WDR35: variants seen among roughly 807,000 people sequenced by gnomAD.
The protein encoded by WDR35 is WD repeat domain 35.
In WDR35, 118 loss-of-function variants were observed where a neutral mutation model predicts 158.3. That is an observed-to-expected ratio of 0.75 (90% CI 0.64 to 0.87). The LOEUF (loss-of-function observed/expected upper bound fraction) is 0.87. Among genes scored for constraint, WDR35 ranks in the 40% least tolerant of loss-of-function variants. The probability of loss-of-function intolerance (pLI) is 0.00; values close to 1 mark genes in which losing one functional copy is unlikely to be tolerated. For missense variants in WDR35, 1,263 were observed against 1,405.8 expected, an observed-to-expected ratio of 0.90 and a Z score of 1.62; for synonymous variants, 448 against 476.1, an observed-to-expected ratio of 0.94 and a Z score of 0.77.
At chr2:19,965,033 C>T (rs1671803537) in intron 10 of WDR35, among the ~76,000 whole-genome samples, 1 of 152,118 alleles carries the variant, frequency 6.6e-6, no homozygotes, top group African/African-American at 2.4e-5. Flanking sequence ...AAGCGACTGT[C>T]CTGCCTCAGC....
rs1430525200 is a variant in WDR35, at chr2:19,911,554, G to C, written c.*2004C>G. ...CTTCTTTGTTAGGATGTGATTTTCT[G>C]ATTTGGGGAAATTTCCCATTCTGGT... On this transcript the variant is annotated 3_prime_UTR_variant, in exon 27 of 27. Coordinates refer to ENST00000281405, the MANE Select transcript of WDR35 (RefSeq NM_020779.4). The C allele has an allele frequency of 6.6e-6, 1 of 152,216 alleles. No homozygotes were observed. Among genetic ancestry groups the C allele is most frequent in the Non-Finnish European group, 1.5e-5 (1 of 68,028 alleles). The allele number at this position is 152,216 out of a possible 1,614,324, so 9.4% of individuals were successfully genotyped here. A position where few individuals can be genotyped will look rare whatever the true frequency, so the allele number is the denominator to read the frequency against.
chr2:19,926,747 A>C (rs1477350831), intron 25 of WDR35, among the ~76,000 whole-genome samples: 1 of 152,266 alleles, frequency 6.6e-6, no homozygotes, highest in Non-Finnish European at 1.5e-5. Flanking sequence ...ATCTGATAAC[A>C]AAAAGTTGGG....
chr2:19,972,816 T>A (rs978696101), intron 8 of WDR35, among the ~76,000 whole-genome samples: 1 of 152,000 alleles, frequency 6.6e-6, no homozygotes, highest in South Asian at 2.1e-4. Flanking sequence ...GCCAACAGGG[T>A]ATTCAAAAGG....
chr2:19,970,563 T>C (rs902226479), intron 8 of WDR35, among the ~76,000 whole-genome samples: 3 of 152,176 alleles, frequency 2.0e-5, no homozygotes, highest in Non-Finnish European at 2.9e-5. Context: ...TTTTAAAAGG[T>C]TTAATAACTT....
intron 10 of WDR35, among the ~76,000 whole-genome samples, chr2:19,964,542 C>T (rs996722248): frequency 2.0e-5 from 3 of 151,732 alleles, no homozygotes; most frequent in Non-Finnish European, 2.9e-5. Flanking sequence ...CGCTGCCACG[C>T]CCGGCTAATT....
chr2:19,953,983 T>C lies in WDR35; in HGVS notation c.1256-5A>G, dbSNP rs746315775. 4 of 1,614,028 alleles carry C rather than the reference T, an allele frequency of 2.5e-6. No homozygotes were observed. The South Asian group carries it at 3.3e-5, about 13-fold the overall frequency. ...TCATTGCAACAAACAATGGTACTGTTAAAAATAACATTAAGATAATTTACA... is the reference window on the plus strand; with the variant it reads ...TCATTGCAACAAACAATGGTACTGTCAAAAATAACATTAAGATAATTTACA... On this transcript the variant is annotated splice_region_variant and splice_polypyrimidine_tract_variant and intron_variant, in intron 11 of 26. Transcript: ENST00000281405.
rs371556639 is a variant in WDR35 at position 19,946,015 on chromosome 2, G to A, written c.1635-19C>T. Reference sequence around the variant, plus strand: ...AAGACGGCTAAAAACAATGCAATTAGAGAAAAGGAAAAAACTATAAAATTA... The same window carrying A: ...AAGACGGCTAAAAACAATGCAATTAAAGAAAAGGAAAAAACTATAAAATTA... On this transcript the variant is annotated intron_variant, in intron 15 of 26. Transcript: ENST00000281405. The A allele has an allele frequency of 9.9e-6, 16 of 1,610,430 alleles. No homozygotes were observed. In the African/African-American group the frequency reaches 2.1e-4, roughly 22 times the overall value.
intron 6 of WDR35, 89 bp downstream of exon 6, chr2:19,975,441 T>C (rs1672173284): frequency 1.5e-6 from 2 of 1,363,596 alleles, no homozygotes; most frequent in East Asian, 2.6e-5. Flanking sequence ...CAAACCGCCA[T>C]AAAAAATAAA....
chr2:19,966,719 C>G lies in WDR35; in HGVS notation c.1194+5G>C, dbSNP rs747804359. On this transcript the variant is annotated splice_donor_5th_base_variant and intron_variant, in intron 10 of 26. Transcript: ENST00000281405. ...CTATGTCTTAAGATATCAAGAAACACCTACCTGAGGATGATTTTCATCAGC... is the reference window on the plus strand; with the variant it reads ...CTATGTCTTAAGATATCAAGAAACAGCTACCTGAGGATGATTTTCATCAGC... 1 of 1,613,438 alleles carries G rather than the reference C, an allele frequency of 6.2e-7. No homozygotes were observed. Among genetic ancestry groups the G allele is most frequent in the Non-Finnish European group, 8.5e-7 (1 of 1,179,814 alleles).
chr2:19,973,816 A>G, intron 7 of WDR35, 108 bp from the exon 8 acceptor site: 3 of 1,463,284 alleles, frequency 2.1e-6, no homozygotes, highest in Non-Finnish European at 2.8e-6. Flanking sequence ...CCACATTTTT[A>G]AAAAAACAGG....
chr2:19,974,658 T>A, intron 6 of WDR35, 25 bp from the exon 7 acceptor site: 1 of 1,600,888 alleles, frequency 6.2e-7, no homozygotes, highest in Non-Finnish European at 8.5e-7. Flanking sequence ...TTAGGTTTAA[T>A]ATTTTACATT....
chr2:19,926,299 C>A (rs1670353120), intron 25 of WDR35, among the ~76,000 whole-genome samples: 1 of 152,230 alleles, frequency 6.6e-6, no homozygotes, highest in Non-Finnish European at 1.5e-5. Context: ...CTGTGGTAAA[C>A]AACCTGCAGC....
chr2:19,959,149 C>CA (rs539195488), intron 11 of WDR35, among the ~76,000 whole-genome samples: 37 of 138,368 alleles, frequency 2.7e-4, no homozygotes, highest in Admixed American at 2.9e-4. Context: ...AGCAAGACTA[C>CA]AAAAAAAAAA....
intron 8 of WDR35, among the ~76,000 whole-genome samples, chr2:19,973,223 A>T (rs1256646631): frequency 6.6e-6 from 1 of 152,124 alleles, no homozygotes; most frequent in Non-Finnish European, 1.5e-5. Context: ...TTAATCTGAA[A>T]CAACTATATT....
At chr2:19,981,675 G>A (rs555658540) in intron 3 of WDR35, among the ~76,000 whole-genome samples, 5 of 152,058 alleles carry the variant, frequency 3.3e-5, no homozygotes, top group South Asian at 4.2e-4. Context: ...ACAGCACCAC[G>A]CCTGGTTAAT....
chr2:19,930,556 C>A lies in WDR35; in HGVS notation c.2965-4G>T, dbSNP rs199696980. The stretch of plus-strand genomic sequence containing the variant: ...AACCAGCCAAGGCAGAAGTGGCCTA[C>A]GAGTAAAGTCAGCCCACACTTTCCG... On this transcript the variant is annotated splice_polypyrimidine_tract_variant and splice_region_variant and intron_variant, in intron 24 of 26. Transcript: ENST00000281405. The A allele has an allele frequency of 2.4e-4, 382 of 1,613,818 alleles. 1 individual carries two copies. Among genetic ancestry groups the A allele is most frequent in the Non-Finnish European group, 4.6e-5 (54 of 1,180,016 alleles).
intron 8 of WDR35, among the ~76,000 whole-genome samples, chr2:19,972,596 T>G (rs1672065295): frequency 6.6e-6 from 1 of 152,120 alleles, no homozygotes; most frequent in African/African-American, 2.4e-5. Flanking sequence ...ACGAGAAATA[T>G]TGTCGTTTGA....
intron 5 of WDR35, among the ~76,000 whole-genome samples, chr2:19,977,163 C>T (rs1293253156): frequency 1.3e-5 from 2 of 152,082 alleles, no homozygotes; most frequent in Non-Finnish European, 2.9e-5. Flanking sequence ...TCTACAAATG[C>T]CTCTTAGTTT....
intron 25 of WDR35, among the ~76,000 whole-genome samples, chr2:19,918,785 C>A (rs1670068421): frequency 6.6e-6 from 1 of 152,176 alleles, no homozygotes; most frequent in South Asian, 2.1e-4. Context: ...TAGACTCCCA[C>A]ACAATAATAG....
Sources: allele counts gnomAD v4.1 joint callset (sites outside exome capture counted in the v4.1 genomes callset), GRCh38; gene constraint gnomAD v4.1.1; transcripts MANE v1.5; gene names NCBI Gene and HGNC (gene_info 2026-07-23, HGNC 2026-07-21).